HDAC9: variants seen among roughly 807,000 people sequenced by gnomAD.
HDAC9 encodes the protein MEF-2 interacting transcription repressor (MITR) protein.
In HDAC9, 41 loss-of-function variants were observed where a neutral mutation model predicts 139.4. The ratio of observed to expected loss-of-function variants is 0.29; its 90% CI spans 0.23 to 0.38. The LOEUF (loss-of-function observed/expected upper bound fraction) is 0.38. Among genes scored for constraint, HDAC9 ranks in the 10% least tolerant of loss-of-function variants. The pLI is 1.00. For synonymous variants in HDAC9, 517 were observed against 476.2 expected (o/e 1.09, Z -1.12); for missense variants, 1,147 against 1,297.0 (o/e 0.88, Z 1.78).
intron 17 of HDAC9, among the ~76,000 whole-genome samples, chr7:18,797,941 GTATAT>G (rs1792951291): frequency 6.6e-6 from 1 of 151,262 alleles, no homozygotes; most frequent in Non-Finnish European, 1.5e-5. Context: ...CCCCTAAAAG[GTATAT>G]TATGAGGATT....
chr7:18,550,146 A>G (rs1191342366), intron 2 of HDAC9, among the ~76,000 whole-genome samples: 5 of 152,086 alleles, frequency 3.3e-5, no homozygotes, highest in African/African-American at 9.7e-5. Flanking sequence ...TTATAACTCA[A>G]TCTTTTTGTT....
At chr7:18,302,645 T>C (rs975398738) in intron 1 of HDAC9, among the ~76,000 whole-genome samples, 10 of 152,254 alleles carry the variant, frequency 6.6e-5, no homozygotes, top group African/African-American at 1.9e-4. Flanking sequence ...AAATTGACTT[T>C]GCCTTCATTT....
chr7:18,862,013 C>G (rs1017254275), intron 21 of HDAC9, among the ~76,000 whole-genome samples: 1 of 152,152 alleles, frequency 6.6e-6, no homozygotes, highest in African/African-American at 2.4e-5. Flanking sequence ...ATGATATGGA[C>G]TCACAATGTC....
intron 2 of HDAC9, among the ~76,000 whole-genome samples, chr7:18,240,495 C>T (rs1794119785): frequency 6.6e-6 from 1 of 152,144 alleles, no homozygotes; most frequent in Admixed American, 6.6e-5. Flanking sequence ...ATTCTATTTT[C>T]CAAACAGCTG....
At chr7:18,264,691 A>G (rs560685591) in intron 2 of HDAC9, among the ~76,000 whole-genome samples, 2 of 152,328 alleles carry the variant, frequency 1.3e-5, no homozygotes, top group East Asian at 1.9e-4. Flanking sequence ...CTGTTAAGAC[A>G]TTCTTGCCTA....
chr7:18,627,003 A>C (rs1282446666), intron 6 of HDAC9, among the ~76,000 whole-genome samples: 1 of 152,192 alleles, frequency 6.6e-6, no homozygotes, highest in Non-Finnish European at 1.5e-5. Context: ...TAGCCTTCAG[A>C]AATAGTACCA....
At chr7:18,190,706 TTC>T (rs1269774039) in intron 2 of HDAC9, among the ~76,000 whole-genome samples, 1 of 152,198 alleles carries the variant, frequency 6.6e-6, no homozygotes, top group Non-Finnish European at 1.5e-5. Flanking sequence ...ATTGTTGCTT[TTC>T]TCTTTTTATT....
intron 3 of HDAC9, among the ~76,000 whole-genome samples, chr7:18,589,208 G>A (rs1830278464): frequency 6.6e-6 from 1 of 152,164 alleles, no homozygotes; most frequent in Middle Eastern, 3.4e-3. Context: ...AGTGGAAATA[G>A]ACATCTCAAG....
At chr7:18,770,636 A>G (rs949887879) in intron 16 of HDAC9, among the ~76,000 whole-genome samples, 11 of 152,128 alleles carry the variant, frequency 7.2e-5, no homozygotes, top group African/African-American at 2.4e-4. Context: ...TTGAGTTGTC[A>G]TTTATAACTT....
chr7:18,721,288 C>T lies in HDAC9; in HGVS notation c.1732-6292C>T, dbSNP rs531770013. Among the ~76,000 whole-genome samples the T allele has an allele frequency of 5.8e-4, 89 of 152,178 alleles. 2 individuals are homozygous for T. Among genetic ancestry groups the T allele is most frequent in the African/African-American group, 2.1e-3 (87 of 41,534 alleles). On this transcript the variant is annotated intron_variant, in intron 12 of 25. Transcript: ENST00000686413. ...TCCTATTGCCCCTCTCATTCCTTCC[C>T]TTCTGAATTTGCTGTTTATTTTTTC...
chr7:18,488,012 A>G (rs968493162), intron 1 of HDAC9, among the ~76,000 whole-genome samples: 2 of 152,100 alleles, frequency 1.3e-5, no homozygotes, highest in South Asian at 2.1e-4. Flanking sequence ...TTAAATGTGC[A>G]GCTACATAAG....
chr7:18,824,835 A>C (rs943592696), intron 17 of HDAC9, among the ~76,000 whole-genome samples: 1 of 152,238 alleles, frequency 6.6e-6, no homozygotes, highest in Non-Finnish European at 1.5e-5. Flanking sequence ...CTGGAGGAGT[A>C]ATTCAAAAGG....
rs302182 is a variant in HDAC9, at chr7:18,267,420, A to G, written c.25+105071A>G. 7.8e-3 allele frequency among the ~76,000 whole-genome samples: 1,188 copies of G among 152,186 alleles called. 13 individuals carry two copies. The highest frequency in any genetic ancestry group is 0.027 in the African/African-American group (1,140 of 41,532). On this transcript the variant is annotated intron_variant, in intron 2 of 12. Transcript: ENST00000417496. Reference sequence around the variant, plus strand: ...TCCTCCTATCTAACCGAAACTTTATATCTTTTGACCAAGAGCTCCCCAGTC... The same window carrying G: ...TCCTCCTATCTAACCGAAACTTTATGTCTTTTGACCAAGAGCTCCCCAGTC...
intron 1 of HDAC9, among the ~76,000 whole-genome samples, chr7:18,435,059 C>CAAAAAAAAA (rs376786180): frequency 1.6e-3 from 111 of 67,738 alleles, no homozygotes; most frequent in East Asian, 3.7e-3. Context: ...ACTACACAGC[C>CAAAAAAAAA]AAAAAAAAAA....
intron 1 of HDAC9, among the ~76,000 whole-genome samples, chr7:18,303,662 C>T (rs10227109): frequency 0.022 from 3,374 of 152,208 alleles, 127 homozygotes; most frequent in African/African-American, 0.077. Context: ...TGCCTAAGCA[C>T]GTGGCTGGCC....
intron 11 of HDAC9, among the ~76,000 whole-genome samples, chr7:18,661,597 T>A (rs976454827): frequency 6.6e-6 from 1 of 152,108 alleles, no homozygotes; most frequent in Non-Finnish European, 1.5e-5. Flanking sequence ...GGCATGAGAT[T>A]CCTTATTTAA....
chr7:18,653,538 A>G (rs1299489467), intron 11 of HDAC9, among the ~76,000 whole-genome samples: 2 of 152,270 alleles, frequency 1.3e-5, no homozygotes, highest in East Asian at 3.9e-4. Flanking sequence ...ATATATGCCA[A>G]GGTTCGGTCT....
At position 18,835,936 on chromosome 7, in the gene HDAC9, A is replaced by G. The variant is rs1212399556; in HGVS notation, c.2623A>G (p.Ile875Val). Residue 875 changes from isoleucine to valine, a missense_variant, in exon 21 of 26, where the codon ATT becomes GTT. Coordinates refer to ENST00000686413, the MANE Select transcript of HDAC9 (RefSeq NM_178425.4). ...CCTTGGAGAAGGGTACAATATAAAT[A>G]TTGCCTGGACAGGTGGCCTTGATCC... ...TGLGEGYNINIAWTGGLDPPM... is the reference protein window; with the variant it reads ...TGLGEGYNINVAWTGGLDPPM... 3 of 1,564,054 alleles carry G rather than the reference A, an allele frequency of 1.9e-6. No individual in the cohort carries two copies. Among genetic ancestry groups the G allele is most frequent in the Non-Finnish European group, 1.7e-6 (2 of 1,152,754 alleles).
intron 1 of HDAC9, among the ~76,000 whole-genome samples, chr7:18,145,569 A>G (rs1045943764): frequency 5.9e-5 from 9 of 152,246 alleles, no homozygotes; most frequent in Non-Finnish European, 7.3e-5. Context: ...GAAACATGAT[A>G]GCATTCAAAT....
Sources: allele counts gnomAD v4.1 joint callset (sites outside exome capture counted in the v4.1 genomes callset), GRCh38; gene constraint gnomAD v4.1.1; transcripts MANE v1.5; gene names NCBI Gene and HGNC (gene_info 2026-07-23, HGNC 2026-07-21).